KLHDC4: variants seen among roughly 807,000 people sequenced by gnomAD.
KLHDC4 encodes the protein kelch domain containing 4, also known as kelch domain-containing protein 4.
Under a neutral mutation model 62.4 loss-of-function variants are expected in KLHDC4, and 90 were observed. The observed-to-expected ratio is 1.44, with a 90% CI of 1.22 to 1.72. The LOEUF is 1.72. KLHDC4 is among the 40% of genes most tolerant of loss of function. The pLI, the probability that KLHDC4 is intolerant of heterozygous loss-of-function variation, is 0.00. For synonymous variants in KLHDC4, 386 were observed against 284.4 expected (o/e 1.36, Z -3.59); for missense variants, 1,025 against 699.7 (o/e 1.47, Z -5.25).
intron 2 of KLHDC4, among the ~76,000 whole-genome samples, chr16:87,761,443 T>C (rs2045885392): frequency 6.6e-6 from 1 of 152,254 alleles, no homozygotes; most frequent in African/African-American, 2.4e-5. Flanking sequence ...CCATTTCTCA[T>C]TCCAGCTCAT....
At chr16:87,744,800 C>T (rs996767688) in intron 5 of KLHDC4, among the ~76,000 whole-genome samples, 5 of 152,230 alleles carry the variant, frequency 3.3e-5, no homozygotes, top group Non-Finnish European at 7.3e-5. Flanking sequence ...CTCCCTTCTC[C>T]TGTGCACGTA....
intron 2 of KLHDC4, among the ~76,000 whole-genome samples, chr16:87,761,392 G>C (rs1392809040): frequency 6.6e-6 from 1 of 152,294 alleles, no homozygotes; most frequent in African/African-American, 2.4e-5. Flanking sequence ...TTATTAAAAG[G>C]GTAAATCCTG....
intron 7 of KLHDC4, among the ~76,000 whole-genome samples, chr16:87,724,316 C>G (rs1003100070): frequency 6.6e-6 from 1 of 152,146 alleles, no homozygotes; most frequent in Non-Finnish European, 1.5e-5. Flanking sequence ...TGAAGCTAAA[C>G]AAGGTCTTCC....
intron 4 of KLHDC4, 73 bp from the exon 5 acceptor site, chr16:87,748,882 T>C (rs1488375868): frequency 1.8e-5 from 29 of 1,575,098 alleles, no homozygotes; most frequent in Non-Finnish European, 2.5e-5. Flanking sequence ...TGACCGGTAG[T>C]GGTGAGCGCT....
Position 87,709,591 on chromosome 16 carries a change from CCA to C in KLHDC4, c.1119_1120del (p.Cys373TrpfsTer26). The C allele has an allele frequency of 6.2e-7, 1 of 1,612,840 alleles. No homozygotes were observed. Among genetic ancestry groups the C allele is most frequent in the Non-Finnish European group, 8.5e-7 (1 of 1,179,790 alleles). ...CACAGGCCCCTGGGTGCCAGCTCCCCCACACGCCGGCCTGCTACCACCTTCGG... is the reference window on the plus strand; with the variant it reads ...CACAGGCCCCTGGGTGCCAGCTCCCCCACGCCGGCCTGCTACCACCTTCGG... On this transcript the variant is annotated frameshift_variant, in exon 10 of 12. Transcript: ENST00000270583. LOFTEE classifies it high-confidence loss of function.
chr16:87,707,792 G>A (rs541191190), downstream of KLHDC4: 25 of 373,024 alleles, frequency 6.7e-5, no homozygotes, highest in South Asian at 4.5e-4. Context: ...GGGCCACACA[G>A]AAGACACCCT....
intron 6 of KLHDC4, among the ~76,000 whole-genome samples, 168 bp downstream of exon 6, chr16:87,730,384 G>A (rs778468122): frequency 1.9e-4 from 29 of 152,194 alleles, no homozygotes; most frequent in Non-Finnish European, 3.1e-4. Context: ...TGTGAGGCCC[G>A]GTGTGAGGCC....
At chr16:87,740,171 G>A (rs1795297780) in intron 5 of KLHDC4, among the ~76,000 whole-genome samples, 1 of 152,326 alleles carries the variant, frequency 6.6e-6, no homozygotes, top group East Asian at 1.9e-4. Context: ...TGGCTGTGAT[G>A]TGTGGCAGGC....
chr16:87,762,402 G>A (rs1346083378), intron 1 of KLHDC4, among the ~76,000 whole-genome samples: 1 of 151,926 alleles, frequency 6.6e-6, no homozygotes, highest in African/African-American at 2.4e-5. Context: ...CCTGTCTGCA[G>A]AGCAGTGTCT....
chr16:87,729,116 C>T (rs970285363), intron 6 of KLHDC4, among the ~76,000 whole-genome samples: 11 of 152,070 alleles, frequency 7.2e-5, no homozygotes, highest in South Asian at 6.2e-4. Context: ...TTAAATCTTT[C>T]CCCCTTGAAA....
downstream of KLHDC4, among the ~76,000 whole-genome samples, chr16:87,707,246 G>C (rs529750478): frequency 2.5e-4 from 38 of 152,362 alleles, no homozygotes; most frequent in Middle Eastern, 3.4e-3. Flanking sequence ...CTGAAGCCAG[G>C]AGGAGCTGGA....
intron 7 of KLHDC4, among the ~76,000 whole-genome samples, chr16:87,718,091 C>A (rs537954589): frequency 5.3e-4 from 81 of 152,280 alleles, no homozygotes; most frequent in Non-Finnish European, 1.0e-3. Context: ...CTAACTCCTC[C>A]TTCTACAGCA....
At chr16:87,732,148 T>C (rs759276007) in intron 5 of KLHDC4, among the ~76,000 whole-genome samples, 11 of 149,058 alleles carry the variant, frequency 7.4e-5, no homozygotes, top group Non-Finnish European at 1.5e-4. Context: ...CAGGCCGGAG[T>C]GCAGTGGTGC....
chr16:87,755,130 C>G (rs1030533174), intron 4 of KLHDC4, 64 bp downstream of exon 4: 3 of 1,124,514 alleles, frequency 2.7e-6, no homozygotes, highest in South Asian at 2.6e-5. Context: ...ATCAACTCTC[C>G]GTGTGTCTAC....
chr16:87,710,975 T>A, intron 9 of KLHDC4: 1 of 470,892 alleles, frequency 2.1e-6, no homozygotes, highest in Non-Finnish European at 3.8e-6. Flanking sequence ...GCCGGGGAGG[T>A]CCCGGGCACC....
intron 6 of KLHDC4, among the ~76,000 whole-genome samples, chr16:87,728,240 C>T (rs1232517440): frequency 6.6e-6 from 1 of 152,148 alleles, no homozygotes; most frequent in African/African-American, 2.4e-5. Context: ...TCAGACTGAC[C>T]ACATCCTTCG....
At chr16:87,740,536 G>C (rs1328896949) in intron 5 of KLHDC4, 1 of 152,204 alleles carries the variant, frequency 6.6e-6, no homozygotes, top group Non-Finnish European at 1.5e-5. Flanking sequence ...ACCTTCCTGG[G>C]AGCTGCCTGC....
downstream of KLHDC4, among the ~76,000 whole-genome samples, chr16:87,707,648 G>A (rs1007091260): frequency 2.6e-4 from 39 of 152,230 alleles, no homozygotes; most frequent in African/African-American, 7.2e-4. Context: ...AGCATATTCC[G>A]GGGTTTCGGG....
intron 7 of KLHDC4, among the ~76,000 whole-genome samples, chr16:87,720,295 C>T (rs756805435): frequency 1.6e-4 from 24 of 152,144 alleles, no homozygotes; most frequent in Non-Finnish European, 3.2e-4. Flanking sequence ...TGATGTTCAC[C>T]GAAATCACAA....
Sources: gnomAD v4.1 joint callset for allele counts (sites outside exome capture counted in the v4.1 genomes callset) on GRCh38, gnomAD v4.1.1 for gene constraint, MANE v1.5 for transcripts, NCBI Gene and HGNC (gene_info 2026-07-23, HGNC 2026-07-21) for gene names.